Variants in WDR72 observed in about 807,000 individuals in gnomAD.
WDR72 encodes WD repeat-containing protein 72.
Under a neutral mutation model 124.2 loss-of-function variants are expected in WDR72, and 120 were observed. That is an observed-to-expected ratio of 0.97 (90% CI 0.83 to 1.12). The LOEUF is 1.12. Ranked by LOEUF, WDR72 falls within the 50% of genes most tolerant of loss-of-function variation. The pLI is 0.00. For missense variants in WDR72, 1,387 were observed against 1,278.8 expected, an observed-to-expected ratio of 1.08 and a Z score of -1.29; for synonymous variants, 452 against 441.7, an observed-to-expected ratio of 1.02 and a Z score of -0.29.
At chr15:53,668,932 G>GAGGAGGAGGAGGAGC (rs1567015961) in intron 13 of WDR72, among the ~76,000 whole-genome samples, 2 of 54,658 alleles carry the variant, frequency 3.7e-5, no homozygotes, top group African/African-American at 9.0e-5. Context: ...GAGGAAGGAG[G>GAGGAGGAGGAGGAGC]AGGAGGAGGA....
intron 18 of WDR72, among the ~76,000 whole-genome samples, chr15:53,596,562 C>T (rs1323026260): frequency 4.6e-5 from 7 of 152,072 alleles, no homozygotes; most frequent in African/African-American, 1.7e-4. Flanking sequence ...AGCAAATTTA[C>T]CCATTATGAT....
At chr15:53,703,762 C>A (rs2017256302) in intron 11 of WDR72, among the ~76,000 whole-genome samples, 1 of 152,036 alleles carries the variant, frequency 6.6e-6, no homozygotes, top group Non-Finnish European at 1.5e-5. Context: ...GAACCATAAA[C>A]CACAAACTCT....
intron 3 of WDR72, among the ~76,000 whole-genome samples, chr15:53,719,063 C>T (rs1428963155): frequency 6.6e-6 from 1 of 152,092 alleles, no homozygotes; most frequent in Non-Finnish European, 1.5e-5. Flanking sequence ...TTCTTCCATA[C>T]ACTTTCTATC....
At chr15:53,519,863 A>C (rs772567621) in intron 19 of WDR72, among the ~76,000 whole-genome samples, 1 of 152,082 alleles carries the variant, frequency 6.6e-6, no homozygotes, top group Non-Finnish European at 1.5e-5. Context: ...GGGTCATCCT[A>C]GTCAATTCAG....
At chr15:53,712,596 C>CAT (rs1409056027) in intron 7 of WDR72, among the ~76,000 whole-genome samples, 176 bp downstream of exon 7, 2 of 111,830 alleles carry the variant, frequency 1.8e-5, no homozygotes, top group African/African-American at 8.5e-5. Flanking sequence ...CTGTCAACCA[C>CAT]CCCACCGCCA....
At chr15:53,686,470 T>G (rs1405800788) in intron 13 of WDR72, among the ~76,000 whole-genome samples, 2 of 151,170 alleles carry the variant, frequency 1.3e-5, no homozygotes, top group Non-Finnish European at 2.9e-5. Flanking sequence ...AAGAAGGCCA[T>G]TACATAATGG....
At chr15:53,722,763 G>A in intron 3 of WDR72, 39 bp downstream of exon 3, 1 of 1,572,638 alleles carries the variant, frequency 6.4e-7, no homozygotes, top group Admixed American at 1.7e-5. Context: ...AAAAGGGAAG[G>A]AAATGGAGAA....
intron 18 of WDR72, among the ~76,000 whole-genome samples, chr15:53,574,002 T>C (rs1894663358): frequency 6.6e-6 from 1 of 152,226 alleles, no homozygotes; most frequent in South Asian, 2.1e-4. Context: ...TTTGAGTATG[T>C]TATAGAAATA....
At chr15:53,615,082 G>A (rs568889667) in intron 15 of WDR72, among the ~76,000 whole-genome samples, 6 of 151,810 alleles carry the variant, frequency 4.0e-5, no homozygotes, top group African/African-American at 7.3e-5. Context: ...ATTTCAAGAC[G>A]TATATGTGTC....
intron 18 of WDR72, among the ~76,000 whole-genome samples, chr15:53,547,652 T>C (rs1057319737): frequency 1.3e-5 from 2 of 152,194 alleles, no homozygotes; most frequent in African/African-American, 4.8e-5. Context: ...ACCAGCCTTT[T>C]TTGGTTGCCA....
intron 19 of WDR72, among the ~76,000 whole-genome samples, chr15:53,521,601 G>A (rs1891800537): frequency 6.6e-6 from 1 of 151,962 alleles, no homozygotes; most frequent in South Asian, 2.1e-4. Flanking sequence ...AAACACGTTT[G>A]TGTGTATCAA....
intron 12 of WDR72, among the ~76,000 whole-genome samples, chr15:53,701,354 C>A (rs537630355): frequency 1.3e-5 from 2 of 152,132 alleles, no homozygotes; most frequent in Non-Finnish European, 2.9e-5. Flanking sequence ...CCAGCCTGGG[C>A]AACAAAGCAA....
chr15:53,741,049 G>A (rs1302536300), intron 1 of WDR72, among the ~76,000 whole-genome samples: 1 of 152,106 alleles, frequency 6.6e-6, no homozygotes, highest in Admixed American at 6.5e-5. Flanking sequence ...AAATTAAACT[G>A]ACATCAACTT....
chr15:53,688,522 C>T (rs1004491829), intron 13 of WDR72, among the ~76,000 whole-genome samples: 1 of 152,062 alleles, frequency 6.6e-6, no homozygotes, highest in Non-Finnish European at 1.5e-5. Flanking sequence ...TCAAGGACCT[C>T]TTCAAGGAGA....
At chr15:53,635,214 C>T (rs552967767) in intron 14 of WDR72, among the ~76,000 whole-genome samples, 6 of 152,304 alleles carry the variant, frequency 3.9e-5, no homozygotes, top group Non-Finnish European at 8.8e-5. Flanking sequence ...ATCACCATAC[C>T]ATCCTCCCTG....
chr15:53,676,858 C>G (rs920719766), intron 13 of WDR72, among the ~76,000 whole-genome samples: 1 of 151,498 alleles, frequency 6.6e-6, no homozygotes, highest in Admixed American at 6.6e-5. Context: ...TACTTTTACT[C>G]AGAACAACAT....
At chr15:53,677,549 G>A (rs928221017) in intron 13 of WDR72, among the ~76,000 whole-genome samples, 1 of 152,150 alleles carries the variant, frequency 6.6e-6, no homozygotes, top group Non-Finnish European at 1.5e-5. Flanking sequence ...ATGGGGTCAG[G>A]TCTTTCCTGT....
At chr15:53,718,117 C>A (rs926907133) in intron 3 of WDR72, among the ~76,000 whole-genome samples, 2 of 152,130 alleles carry the variant, frequency 1.3e-5, no homozygotes, top group African/African-American at 4.8e-5. Flanking sequence ...GTTTTTGACT[C>A]TAGCTATGCA....
At chr15:53,631,996 T>C (rs917152342) in intron 14 of WDR72, among the ~76,000 whole-genome samples, 1 of 152,152 alleles carries the variant, frequency 6.6e-6, no homozygotes, top group African/African-American at 2.4e-5. Context: ...GAAAGGCCCA[T>C]TTTTCAGGGG....
Sources: allele counts gnomAD v4.1 joint callset (sites outside exome capture counted in the v4.1 genomes callset), GRCh38; gene constraint gnomAD v4.1.1; transcripts MANE v1.5; gene names NCBI Gene and HGNC (gene_info 2026-07-23, HGNC 2026-07-21).